GRIN2A: variants seen among roughly 807,000 people sequenced by gnomAD.
The protein encoded by GRIN2A is glutamate ionotropic receptor NMDA type subunit 2A.
In GRIN2A, 22 loss-of-function variants were observed where a neutral mutation model predicts 113.4. The ratio of observed to expected loss-of-function variants is 0.19; its 90% confidence interval spans 0.14 to 0.28. The LOEUF is 0.28. GRIN2A is among the 10% of genes least tolerant of loss of function. The probability of loss-of-function intolerance (pLI) is 1.00; values close to 1 mark genes in which losing one functional copy is unlikely to be tolerated. For missense variants in GRIN2A, 1,502 were observed against 1,887.0 expected (o/e 0.80, Z 3.78); for synonymous variants, 827 against 738.4 (o/e 1.12, Z -1.94).
At chr16:10,124,194 A>C (rs2048884270) in intron 2 of GRIN2A, among the ~76,000 whole-genome samples, 1 of 152,132 alleles carries the variant, frequency 6.6e-6, no homozygotes, top group Non-Finnish European at 1.5e-5. Context: ...TGTGTGTTCC[A>C]AAACCTAGGC....
At chr16:10,143,575 C>T (rs2142263770) in intron 2 of GRIN2A, among the ~76,000 whole-genome samples, 1 of 152,174 alleles carries the variant, frequency 6.6e-6, no homozygotes, top group South Asian at 2.1e-4. Flanking sequence ...TTTTAATATA[C>T]TTACTGAAAC....
At chr16:9,854,541 G>T (rs1251587413) in intron 4 of GRIN2A, among the ~76,000 whole-genome samples, 1 of 152,092 alleles carries the variant, frequency 6.6e-6, no homozygotes, top group African/African-American at 2.4e-5. Context: ...TTATTTAGAA[G>T]TTATATCCAA....
At chr16:10,058,544 GA>G (rs925178893) in intron 2 of GRIN2A, among the ~76,000 whole-genome samples, 4 of 151,990 alleles carry the variant, frequency 2.6e-5, no homozygotes, top group East Asian at 3.9e-4. Context: ...TTCTCTTGGT[GA>G]AAAAAAATCA....
chr16:10,138,616 T>C (rs1473076964), intron 2 of GRIN2A, among the ~76,000 whole-genome samples: 1 of 152,046 alleles, frequency 6.6e-6, no homozygotes, highest in Non-Finnish European at 1.5e-5. Flanking sequence ...AGATGAGATT[T>C]GGGTGGGGAC....
intron 2 of GRIN2A, among the ~76,000 whole-genome samples, chr16:10,157,783 A>G (rs927670952): frequency 2.0e-5 from 3 of 152,202 alleles, no homozygotes; most frequent in African/African-American, 7.2e-5. Flanking sequence ...CACAGAGCCA[A>G]ACCATATCAT....
chr16:10,129,283 G>A (rs1216243146), intron 2 of GRIN2A, among the ~76,000 whole-genome samples: 1 of 152,056 alleles, frequency 6.6e-6, no homozygotes. Flanking sequence ...TCTCTGTGTT[G>A]CCCAGGCTGG....
intron 2 of GRIN2A, among the ~76,000 whole-genome samples, chr16:10,125,340 T>C (rs1286126903): frequency 6.6e-6 from 1 of 152,126 alleles, no homozygotes; most frequent in East Asian, 1.9e-4. Flanking sequence ...CAAAGAATAT[T>C]TGGCTTTCCC....
intron 9 of GRIN2A, 34 bp downstream of exon 9, chr16:9,829,389 C>T (rs759136066): frequency 1.4e-6 from 2 of 1,403,318 alleles, no homozygotes; most frequent in Non-Finnish European, 2.0e-6. Context: ...TTAAGACCAA[C>T]CCTCAGATGG....
At chr16:9,934,483 C>T (rs1290741925) in intron 3 of GRIN2A, among the ~76,000 whole-genome samples, 1 of 151,940 alleles carries the variant, frequency 6.6e-6, no homozygotes, top group African/African-American at 2.4e-5. Flanking sequence ...CAGTTTGAGA[C>T]CAGCCTAGAC....
intron 2 of GRIN2A, among the ~76,000 whole-genome samples, chr16:10,174,444 AG>A (rs1221287474): frequency 6.6e-6 from 1 of 152,234 alleles, no homozygotes; most frequent in Non-Finnish European, 1.5e-5. Flanking sequence ...CAAAAATTAA[AG>A]AACATATGTG....
intron 2 of GRIN2A, among the ~76,000 whole-genome samples, chr16:10,038,561 C>T (rs1177923027): frequency 1.3e-5 from 2 of 151,818 alleles, no homozygotes; most frequent in African/African-American, 4.8e-5. Flanking sequence ...TAGATATTGC[C>T]GGCCAGGCGC....
intron 2 of GRIN2A, among the ~76,000 whole-genome samples, chr16:10,113,869 T>C (rs1368199140): frequency 6.6e-6 from 1 of 152,168 alleles, no homozygotes; most frequent in Non-Finnish European, 1.5e-5. Context: ...AAAAGACTAT[T>C]TCATGACCTT....
rs367543135 is a variant in GRIN2A, at chr16:9,764,131, T to C, written c.3413A>G (p.Asn1138Ser). 1 of 1,613,596 alleles carries C rather than the reference T, an allele frequency of 6.2e-7. No homozygotes were observed. The highest frequency in any genetic ancestry group is 8.5e-7 in the Non-Finnish European group (1 of 1,179,620). The part of the protein sequence containing the change: ...FHLDPPQFVE[N>S]VTLPENVDFP... ...GTCCACGTTCTCGGGCAGGGTCACA[T>C]TTTCAACAAACTGGGGTGGATCTAA... The change falls in exon 13 of 13, where the codon AAT becomes AGT. Residue 1138 changes from asparagine to serine, a missense_variant. By Grantham distance (46) the Asn-to-Ser change is conservative (BLOSUM62 1). Coordinates refer to ENST00000330684, the MANE Select transcript of GRIN2A (RefSeq NM_001134407.3).
intron 4 of GRIN2A, among the ~76,000 whole-genome samples, chr16:9,870,188 G>C (rs900777907): frequency 6.6e-6 from 1 of 152,156 alleles, no homozygotes; most frequent in African/African-American, 2.4e-5. Flanking sequence ...TAAATCCAAA[G>C]GCCTGGCAAT....
In GRIN2A at chr16:9,829,540, C is replaced by T. The variant is rs962487040; in HGVS notation, c.1890G>A (p.Met630Ile). 1.2e-6 allele frequency: 2 copies of T among 1,613,850 alleles called. No homozygotes were observed. Among genetic ancestry groups the T allele is most frequent in the Non-Finnish European group, 1.7e-6 (2 of 1,179,784 alleles). Residue 630 changes from methionine (M) to isoleucine (I), a missense_variant, in exon 9 of 13, where the codon ATG (methionine) becomes ATA (isoleucine). By Grantham distance (10) the Met-to-Ile change is conservative. Transcript: ENST00000330684. ...CAGCGAAGAAGGCCCATACAGATAC[C>T]ATGATCTTGCTGGTGGTCCCTTTAG... ...QNPKGTTSKI[M>I]VSVWAFFAVI...
intron 2 of GRIN2A, among the ~76,000 whole-genome samples, chr16:10,132,239 G>A (rs2049079347): frequency 6.6e-6 from 1 of 150,966 alleles, no homozygotes; most frequent in Non-Finnish European, 1.5e-5. Context: ...ACCTGAGGCA[G>A]GAGAATCGCT....
chr16:10,144,005 T>G (rs2049380753), intron 2 of GRIN2A, among the ~76,000 whole-genome samples: 2 of 152,064 alleles, frequency 1.3e-5, no homozygotes, highest in South Asian at 4.2e-4. Flanking sequence ...GTCCCCAACA[T>G]GGCTCTCTTG....
intron 2 of GRIN2A, among the ~76,000 whole-genome samples, chr16:10,108,158 T>C (rs1476828282): frequency 6.6e-6 from 1 of 152,180 alleles, no homozygotes; most frequent in South Asian, 2.1e-4. Context: ...AAAAAGAGGT[T>C]TAATGGACTT....
In GRIN2A at chr16:9,763,459, G is replaced by T; in HGVS notation, c.4085C>A (p.Thr1362Asn). The T allele has an allele frequency of 6.2e-7, 1 of 1,614,046 alleles. No homozygotes were observed. The highest frequency in any genetic ancestry group is 8.5e-7 in the Non-Finnish European group (1 of 1,179,934). ...GGAGTGGAGGAAAGGGTTATCGGAG[G>T]TGTGGTCTGGCAAGAGAGACTTGCT... ...KRSKSLLPDHTSDNPFLHSHR... is the reference protein window; with the variant it reads ...KRSKSLLPDHNSDNPFLHSHR... Residue 1362 changes from threonine to asparagine, a missense_variant, in exon 13 of 13, where the codon ACC (threonine) becomes AAC (asparagine). By Grantham distance (65) the Thr-to-Asn change is moderately conservative (BLOSUM62 0). Transcript: ENST00000330684.
Sources: gnomAD v4.1 joint callset for allele counts (sites outside exome capture counted in the v4.1 genomes callset) on GRCh38, gnomAD v4.1.1 for gene constraint, MANE v1.5 for transcripts, NCBI Gene and HGNC (gene_info 2026-07-23, HGNC 2026-07-21) for gene names.